The following LHFPL6 variants were observed in gnomAD, a reference collection of about 807,000 sequenced individuals.
LHFPL6 encodes LHFPL tetraspan subfamily member 6, also known as LHFPL tetraspan subfamily member 6 protein.
A neutral mutation model predicts 20.6 loss-of-function variants in LHFPL6; 9 were observed. That is an observed-to-expected ratio of 0.44 (90% CI 0.26 to 0.76). The LOEUF (loss-of-function observed/expected upper bound fraction) is 0.76, where lower values mean the gene tolerates loss of function less well. Ranked by LOEUF, LHFPL6 falls within the 30% of genes least tolerant of loss-of-function variation. The pLI is 0.20. For synonymous variants in LHFPL6, 105 were observed against 98.7 expected, an observed-to-expected ratio of 1.06 and a Z score of -0.38; for missense variants, 218 against 253.5, an observed-to-expected ratio of 0.86 and a Z score of 0.95.
chr13:39,496,398 G>A (rs1246126978), intron 2 of LHFPL6, among the ~76,000 whole-genome samples: 1 of 152,154 alleles, frequency 6.6e-6, no homozygotes, highest in Non-Finnish European at 1.5e-5. Context: ...CACCTTCAGA[G>A]TAGGATTTCT....
At chr13:39,581,303 C>T (rs956055867) in intron 2 of LHFPL6, among the ~76,000 whole-genome samples, 3 of 152,132 alleles carry the variant, frequency 2.0e-5, no homozygotes, top group African/African-American at 7.2e-5. Flanking sequence ...TCTGAAATTA[C>T]ACTGAAGTCA....
chr13:39,526,769 A>C (rs1393693316), intron 2 of LHFPL6, among the ~76,000 whole-genome samples: 1 of 152,218 alleles, frequency 6.6e-6, no homozygotes, highest in East Asian at 1.9e-4. Flanking sequence ...ATAGCTACTG[A>C]CATCACGTGC....
At chr13:39,593,174 G>A (rs1872663850) in intron 2 of LHFPL6, among the ~76,000 whole-genome samples, 1 of 152,216 alleles carries the variant, frequency 6.6e-6, no homozygotes, top group Admixed American at 6.5e-5. Flanking sequence ...AAAAGAGGAA[G>A]TCAAATTGTC....
rs1305557607 is a variant in LHFPL6 at position 39,574,278 on chromosome 13, C to G, written c.385+26554G>C. Among the ~76,000 whole-genome samples, 44 of 152,044 alleles carry G rather than the reference C, an allele frequency of 2.9e-4. No homozygotes were observed. The South Asian group carries it at 8.9e-3, about 31-fold the overall frequency. On this transcript the variant is annotated intron_variant, in intron 2 of 3. Coordinates refer to ENST00000379589, the MANE Select transcript of LHFPL6 (RefSeq NM_005780.3). ...CGGGCGGATCACAAGGTCAGGAGAA[C>G]AAGATCATCCTGGCTAACATGGTGA...
intron 3 of LHFPL6, among the ~76,000 whole-genome samples, chr13:39,345,076 C>T (rs1270609531): frequency 6.6e-6 from 1 of 152,212 alleles, no homozygotes; most frequent in Non-Finnish European, 1.5e-5. Flanking sequence ...ATTCATTTTT[C>T]AGCCGGTCTT....
chr13:39,438,133 G>A (rs1010074676), intron 2 of LHFPL6, among the ~76,000 whole-genome samples: 1 of 152,182 alleles, frequency 6.6e-6, no homozygotes, highest in Non-Finnish European at 1.5e-5. Context: ...GGCTGAGGAG[G>A]TCTCAGATGG....
At chr13:39,489,309 G>C (rs1868834401) in intron 2 of LHFPL6, among the ~76,000 whole-genome samples, 1 of 152,076 alleles carries the variant, frequency 6.6e-6, no homozygotes, top group Non-Finnish European at 1.5e-5. Flanking sequence ...CTCTTTGCTG[G>C]AGCACGAACC....
At chr13:39,453,915 G>A (rs1360613247) in intron 2 of LHFPL6, among the ~76,000 whole-genome samples, 6 of 152,168 alleles carry the variant, frequency 3.9e-5, no homozygotes, top group African/African-American at 9.7e-5. Context: ...GAGAGCAATG[G>A]GATAAGGCCA....
intron 2 of LHFPL6, among the ~76,000 whole-genome samples, chr13:39,521,030 A>C (rs1870089283): frequency 6.6e-6 from 1 of 152,200 alleles, no homozygotes; most frequent in Non-Finnish European, 1.5e-5. Flanking sequence ...ATCTGAAAAC[A>C]CAGGTCCATG....
At chr13:39,416,831 C>T (rs1273984510) in intron 2 of LHFPL6, among the ~76,000 whole-genome samples, 1 of 152,042 alleles carries the variant, frequency 6.6e-6, no homozygotes, top group Non-Finnish European at 1.5e-5. Flanking sequence ...GTTGTTAAAA[C>T]CTGAGTTCTG....
chr13:39,573,195 A>G (rs1356492299), intron 2 of LHFPL6, among the ~76,000 whole-genome samples: 1 of 152,236 alleles, frequency 6.6e-6, no homozygotes, highest in Non-Finnish European at 1.5e-5. Flanking sequence ...CCCTATCAAA[A>G]TAGGTGAAAA....
chr13:39,502,390 G>A (rs558122396), intron 2 of LHFPL6, among the ~76,000 whole-genome samples: 8 of 151,950 alleles, frequency 5.3e-5, no homozygotes, highest in African/African-American at 1.2e-4. Context: ...AGGCCAATGC[G>A]GCAGGATCGC....
At chr13:39,459,206 G>A (rs867560939) in intron 2 of LHFPL6, among the ~76,000 whole-genome samples, 3 of 124,012 alleles carry the variant, frequency 2.4e-5, no homozygotes, top group African/African-American at 6.5e-5. Context: ...GTGTGTGTGT[G>A]TGTGTGTGTG....
chr13:39,453,891 C>T (rs1303205358), intron 2 of LHFPL6, among the ~76,000 whole-genome samples: 1 of 152,194 alleles, frequency 6.6e-6, no homozygotes, highest in Non-Finnish European at 1.5e-5. Flanking sequence ...GCAGTTCTAG[C>T]CCATCGGCCA....
intron 2 of LHFPL6, among the ~76,000 whole-genome samples, chr13:39,449,764 G>A (rs899954625): frequency 1.3e-5 from 2 of 151,124 alleles, no homozygotes; most frequent in East Asian, 3.9e-4. Context: ...TTAAAGTCAC[G>A]ATATCTGTGA....
chr13:39,401,464 A>G (rs781518285), intron 2 of LHFPL6, among the ~76,000 whole-genome samples: 2 of 152,228 alleles, frequency 1.3e-5, no homozygotes, highest in Non-Finnish European at 2.9e-5. Context: ...GTCAGATTCA[A>G]TAAGGTGTGG....
At chr13:39,460,777 G>T (rs1052440937) in intron 2 of LHFPL6, among the ~76,000 whole-genome samples, 3 of 152,158 alleles carry the variant, frequency 2.0e-5, no homozygotes, top group African/African-American at 7.2e-5. Context: ...CTGTGTTTCT[G>T]CCAGTGCTTT....
chr13:39,586,477 C>G (rs1044866812), intron 2 of LHFPL6, among the ~76,000 whole-genome samples: 2 of 152,226 alleles, frequency 1.3e-5, no homozygotes, highest in African/African-American at 4.8e-5. Context: ...AAAGCCAAAA[C>G]AGTTGTAATT....
In LHFPL6 at chr13:39,378,498, G is replaced by C. The variant is rs1485436713; in HGVS notation, c.414C>G (p.Leu138=). ...GGLLIGAGCA[L]YPLGWDSEEV... ...CCTCACTGTCCCAGCCCAAGGGGTA[G>C]AGGGCACAGCCAGCACCAATCAACA... The change falls in exon 3 of 4, where the codon CTC becomes CTG. Residue 138 remains leucine (L), a synonymous_variant. Transcript: ENST00000379589. 6.2e-7 allele frequency: 1 copy of C among 1,613,866 alleles called. No homozygotes were observed. The highest frequency in any genetic ancestry group is 8.5e-7 in the Non-Finnish European group (1 of 1,179,962).
Sources: allele counts gnomAD v4.1 joint callset (sites outside exome capture counted in the v4.1 genomes callset), GRCh38; gene constraint gnomAD v4.1.1; transcripts MANE v1.5; gene names NCBI Gene and HGNC (gene_info 2026-07-23, HGNC 2026-07-21).